The following RAD51B variants were observed in gnomAD, a reference collection of about 807,000 sequenced individuals.
RAD51B encodes the protein RAD51 paralog B.
A neutral mutation model predicts 42.2 loss-of-function variants in RAD51B; 38 were observed. The observed-to-expected ratio is 0.90, with a 90% CI of 0.70 to 1.18. The LOEUF is 1.18. RAD51B is among the 50% of genes most tolerant of loss of function. RAD51B has a pLI of 0.00. For missense variants in RAD51B, 373 were observed against 400.7 expected (o/e 0.93, Z 0.59); for synonymous variants, 154 against 145.2 (o/e 1.06, Z -0.43).
At chr14:68,197,070 T>C (rs973906426) in intron 7 of RAD51B, among the ~76,000 whole-genome samples, 3 of 152,208 alleles carry the variant, frequency 2.0e-5, no homozygotes, top group African/African-American at 7.2e-5. Context: ...TGCAATGATT[T>C]TTTTTAAAGG....
chr14:68,601,027 G>A (rs925062770), intron 10 of RAD51B, among the ~76,000 whole-genome samples: 1 of 152,150 alleles, frequency 6.6e-6, no homozygotes, highest in African/African-American at 2.4e-5. Context: ...TTTTGTTATT[G>A]TTTGGTCTCA....
intron 1 of RAD51B, among the ~76,000 whole-genome samples, chr14:67,821,141 C>A (rs1337163131): frequency 6.6e-6 from 1 of 152,212 alleles, no homozygotes; most frequent in Non-Finnish European, 1.5e-5. Context: ...TTCTTCCTGT[C>A]TGCTTCCATA....
At chr14:68,514,191 C>T (rs1885962916) in intron 10 of RAD51B, among the ~76,000 whole-genome samples, 1 of 152,168 alleles carries the variant, frequency 6.6e-6, no homozygotes, top group African/African-American at 2.4e-5. Context: ...AGCACATTTC[C>T]ACAGCATAAC....
intron 7 of RAD51B, among the ~76,000 whole-genome samples, chr14:68,011,497 G>C (rs1460642925): frequency 6.6e-6 from 1 of 151,902 alleles, no homozygotes; most frequent in Non-Finnish European, 1.5e-5. Flanking sequence ...TCATTAGTTT[G>C]GGCATCTTAC....
intron 8 of RAD51B, among the ~76,000 whole-genome samples, chr14:68,403,190 A>C (rs1159072693): frequency 6.6e-6 from 1 of 152,206 alleles, no homozygotes; most frequent in African/African-American, 2.4e-5. Context: ...TTCTACTCTA[A>C]ATAAATGGGC....
At chr14:68,494,093 T>C (rs1422524426) in intron 10 of RAD51B, among the ~76,000 whole-genome samples, 1 of 151,936 alleles carries the variant, frequency 6.6e-6, no homozygotes, top group Non-Finnish European at 1.5e-5. Context: ...CTGGCCAACA[T>C]GGTGAAACCC....
chr14:68,309,927 T>C (rs2081936145), intron 8 of RAD51B, among the ~76,000 whole-genome samples: 1 of 152,240 alleles, frequency 6.6e-6, no homozygotes, highest in African/African-American at 2.4e-5. Flanking sequence ...GATGGCCTTA[T>C]ATATGGAATA....
At chr14:68,379,011 G>A (rs979508735) in intron 8 of RAD51B, among the ~76,000 whole-genome samples, 1 of 152,110 alleles carries the variant, frequency 6.6e-6, no homozygotes. Context: ...TCCAATTACA[G>A]CAACAAATAC....
intron 5 of RAD51B, among the ~76,000 whole-genome samples, chr14:67,868,354 AC>A (rs2042396325): frequency 6.6e-6 from 1 of 152,236 alleles, no homozygotes; most frequent in Non-Finnish European, 1.5e-5. Context: ...GGTCACTCCC[AC>A]CCGAATACTG....
chr14:68,347,935 G>A (rs1229655993), intron 8 of RAD51B, among the ~76,000 whole-genome samples: 1 of 152,180 alleles, frequency 6.6e-6, no homozygotes, highest in Non-Finnish European at 1.5e-5. Flanking sequence ...CCAGGACAGA[G>A]ATGAAATAAT....
At chr14:68,566,155 A>G (rs1315967133) in intron 10 of RAD51B, among the ~76,000 whole-genome samples, 1 of 152,150 alleles carries the variant, frequency 6.6e-6, no homozygotes, top group Non-Finnish European at 1.5e-5. Flanking sequence ...CTAACTTTAC[A>G]TAGCTTTTTA....
intron 8 of RAD51B, among the ~76,000 whole-genome samples, chr14:68,361,241 T>C (rs918304654): frequency 9.9e-5 from 15 of 152,184 alleles, no homozygotes; most frequent in African/African-American, 3.6e-4. Context: ...TAGTTTGGGA[T>C]ACTGTTTTCT....
At chr14:67,873,461 G>A (rs1226020034) in intron 5 of RAD51B, among the ~76,000 whole-genome samples, 3 of 149,396 alleles carry the variant, frequency 2.0e-5, no homozygotes, top group Non-Finnish European at 4.5e-5. Flanking sequence ...AGGATGTGGA[G>A]AAATAGGAAC....
At chr14:68,326,723 T>G (rs1355341656) in intron 8 of RAD51B, among the ~76,000 whole-genome samples, 1 of 152,220 alleles carries the variant, frequency 6.6e-6, no homozygotes, top group African/African-American at 2.4e-5. Flanking sequence ...CTAATTACAT[T>G]TTTTTCAACC....
chr14:68,040,187 A>G (rs907336192), intron 7 of RAD51B, among the ~76,000 whole-genome samples: 1 of 152,144 alleles, frequency 6.6e-6, no homozygotes, highest in Admixed American at 6.5e-5. Context: ...AATGACCAGA[A>G]AGAATTGAAC....
At chr14:68,129,380 C>T (rs17105001) in intron 7 of RAD51B, among the ~76,000 whole-genome samples, 11,920 of 152,136 alleles carry the variant, frequency 0.078, 1,380 homozygotes, top group African/African-American at 0.25. Context: ...TCACATTATT[C>T]TTTAACTAGA....
At chr14:67,841,084 G>A (rs1463420134) in intron 4 of RAD51B, among the ~76,000 whole-genome samples, 2 of 152,208 alleles carry the variant, frequency 1.3e-5, no homozygotes, top group African/African-American at 2.4e-5. Context: ...ATAGGCATGA[G>A]CCACTGTGCC....
chr14:68,491,759 G>A (rs575232714), intron 10 of RAD51B, among the ~76,000 whole-genome samples: 1 of 152,302 alleles, frequency 6.6e-6, no homozygotes, highest in Admixed American at 6.5e-5. Flanking sequence ...CATGCCAGGG[G>A]GCCTGTGAAG....
chr14:68,576,501 G>A (rs1889969561), intron 10 of RAD51B, among the ~76,000 whole-genome samples: 1 of 152,206 alleles, frequency 6.6e-6, no homozygotes, highest in Non-Finnish European at 1.5e-5. Context: ...TCTAGGGAAA[G>A]TGTCTTTGCA....
Sources: allele counts gnomAD v4.1 joint callset (sites outside exome capture counted in the v4.1 genomes callset), GRCh38; gene constraint gnomAD v4.1.1; transcripts MANE v1.5; gene names NCBI Gene and HGNC (gene_info 2026-07-23, HGNC 2026-07-21).